ZEB1: variants seen among roughly 807,000 people sequenced by gnomAD.
ZEB1 encodes zinc finger E-box-binding homeobox 1.
In ZEB1, 21 loss-of-function variants were observed where a neutral mutation model predicts 84.9. That is an observed-to-expected ratio of 0.25 (90% CI 0.18 to 0.36). The LOEUF (loss-of-function observed/expected upper bound fraction) is 0.36, where lower values mean the gene tolerates loss of function less well. Among genes scored for constraint, ZEB1 ranks in the 10% least tolerant of loss-of-function variants. The pLI is 1.00. For missense variants in ZEB1, 1,104 were observed against 1,330.2 expected (o/e 0.83, Z 2.65); for synonymous variants, 420 against 471.1 (o/e 0.89, Z 1.41).
intron 1 of ZEB1, among the ~76,000 whole-genome samples, chr10:31,427,316 T>C (rs773442435): frequency 4.6e-5 from 7 of 152,182 alleles, no homozygotes; most frequent in Non-Finnish European, 8.8e-5. Context: ...TGCCATATTC[T>C]TAGCCATAAT....
At chr10:31,513,612 G>T (rs1375568395) in intron 5 of ZEB1, among the ~76,000 whole-genome samples, 1 of 152,186 alleles carries the variant, frequency 6.6e-6, no homozygotes, top group Non-Finnish European at 1.5e-5. Context: ...AAAGGCAAAG[G>T]AAGGGAGATT....
chr10:31,434,817 G>A (rs1352002899), intron 1 of ZEB1, among the ~76,000 whole-genome samples: 1 of 152,148 alleles, frequency 6.6e-6, no homozygotes, highest in African/African-American at 2.4e-5. Context: ...CATCAATAAA[G>A]CAGCAGTGTT....
intron 1 of ZEB1, among the ~76,000 whole-genome samples, chr10:31,353,712 C>T (rs58012259): frequency 0.015 from 2,302 of 152,226 alleles, 43 homozygotes; most frequent in African/African-American, 0.052. Flanking sequence ...ACTGAATAGT[C>T]ACAGTCAAAG....
chr10:31,508,309 CTGGGCAGG>C (rs1236216395), intron 4 of ZEB1, among the ~76,000 whole-genome samples: 1 of 152,112 alleles, frequency 6.6e-6, no homozygotes, highest in Admixed American at 6.5e-5. Context: ...CAGTGGTAAG[CTGGGCAGG>C]TGGGCAGGTT....
At chr10:31,452,665 A>G (rs1415258850) in intron 1 of ZEB1, among the ~76,000 whole-genome samples, 2 of 150,286 alleles carry the variant, frequency 1.3e-5, no homozygotes, top group Non-Finnish European at 3.0e-5. Context: ...CCTACTATGT[A>G]GAAGGCAGTA....
intron 1 of ZEB1, among the ~76,000 whole-genome samples, chr10:31,335,878 CAA>C (rs968201317): frequency 2.4e-4 from 37 of 152,204 alleles, no homozygotes; most frequent in African/African-American, 7.9e-4. Context: ...ATGAATTACT[CAA>C]AGTTTAAATT....
At chr10:31,391,374 G>A (rs1046662802) in intron 1 of ZEB1, among the ~76,000 whole-genome samples, 1 of 151,340 alleles carries the variant, frequency 6.6e-6, no homozygotes, top group Non-Finnish European at 1.5e-5. Context: ...TATAGCTTTC[G>A]GTATATATTT....
At chr10:31,392,510 C>T (rs1474998926) in intron 1 of ZEB1, among the ~76,000 whole-genome samples, 2 of 151,952 alleles carry the variant, frequency 1.3e-5, no homozygotes, top group African/African-American at 4.8e-5. Context: ...TCATAAGATG[C>T]TTTTAATGTT....
chr10:31,352,156 G>T (rs983040685), intron 1 of ZEB1, among the ~76,000 whole-genome samples: 4 of 151,824 alleles, frequency 2.6e-5, no homozygotes, highest in Non-Finnish European at 5.9e-5. Context: ...ACTTTTAAGC[G>T]TTGCCCTTAT....
chr10:31,438,661 C>A (rs1376462481), intron 1 of ZEB1, among the ~76,000 whole-genome samples: 2 of 152,254 alleles, frequency 1.3e-5, no homozygotes, highest in African/African-American at 2.4e-5. Context: ...CATAGTGAGA[C>A]CCTGTCTCTA....
chr10:31,407,688 C>A (rs953966118), intron 1 of ZEB1, among the ~76,000 whole-genome samples: 6 of 151,832 alleles, frequency 4.0e-5, no homozygotes, highest in Non-Finnish European at 7.4e-5. Flanking sequence ...TGACAAAATT[C>A]AACAACACTT....
intron 3 of ZEB1, among the ~76,000 whole-genome samples, chr10:31,499,589 A>G (rs1046415780): frequency 2.6e-5 from 4 of 152,104 alleles, no homozygotes; most frequent in South Asian, 2.1e-4. Flanking sequence ...AAGGAAGTGT[A>G]TGAAGGATAT....
chr10:31,361,030 AT>A (rs2042958943), intron 1 of ZEB1: 1 of 1,610,472 alleles, frequency 6.2e-7, no homozygotes, highest in African/African-American at 1.3e-5. Context: ...TTACCATCTT[AT>A]TTTGGAAGGG....
In ZEB1 at chr10:31,514,016, TAAAC is replaced by T. The variant is rs998651063; in HGVS notation, c.688-586_688-583del. ...GAAATATGTGAAAATGGGAATTTGA[TAAAC>T]CAGACAGAAAGCTATTATAATAATC... On this transcript the variant is annotated intron_variant, in intron 5 of 8. Transcript: ENST00000424869. 2.1e-4 allele frequency among the ~76,000 whole-genome samples: 32 copies of T among 152,262 alleles called. 1 individual carries two copies. The highest frequency in any genetic ancestry group is 2.0e-3 in the Admixed American group (30 of 15,292).
intron 1 of ZEB1, among the ~76,000 whole-genome samples, chr10:31,409,681 T>C (rs1321157954): frequency 1.3e-5 from 2 of 152,348 alleles, no homozygotes; most frequent in African/African-American, 4.8e-5. Flanking sequence ...TCCTCTCTTA[T>C]TTCCTTGAAC....
chr10:31,318,832 C>T (rs1292510162), upstream of ZEB1: 1 of 340,344 alleles, frequency 2.9e-6, no homozygotes, highest in East Asian at 7.7e-5. Flanking sequence ...CCCTCCCTGC[C>T]CCGGGCAGCC....
At chr10:31,394,200 A>C (rs1004481315) in intron 1 of ZEB1, among the ~76,000 whole-genome samples, 2 of 152,152 alleles carry the variant, frequency 1.3e-5, no homozygotes, top group Non-Finnish European at 2.9e-5. Context: ...TGGTGTTTTG[A>C]GCTAAGGGCA....
Position 31,526,603 on chromosome 10 carries a change from C to T in ZEB1, c.2786-69C>T, listed in dbSNP as rs567902352. On this transcript the variant is annotated intron_variant, in intron 8 of 8. Coordinates refer to ENST00000424869, the MANE Select transcript of ZEB1 (RefSeq NM_001174096.2). ...TCCCCTTTCTACAACATGAAGTACCCCAAAAACCGTATAAGGATTTTATTT... is the reference window on the plus strand; with the variant it reads ...TCCCCTTTCTACAACATGAAGTACCTCAAAAACCGTATAAGGATTTTATTT... The T allele has an allele frequency of 5.9e-5, 93 of 1,574,702 alleles. No individual in the cohort carries two copies. In the South Asian group the frequency reaches 8.3e-4, roughly 14 times the overall value.
chr10:31,426,664 G>A (rs766405613), intron 1 of ZEB1, among the ~76,000 whole-genome samples: 30 of 152,088 alleles, frequency 2.0e-4, no homozygotes, highest in Non-Finnish European at 3.7e-4. Flanking sequence ...ATGGATGCCT[G>A]GAAAATCTAG....
Sources: allele counts gnomAD v4.1 joint callset (sites outside exome capture counted in the v4.1 genomes callset), GRCh38; gene constraint gnomAD v4.1.1; transcripts MANE v1.5; gene names NCBI Gene and HGNC (gene_info 2026-07-23, HGNC 2026-07-21).